Variants in BAIAP2 observed in about 807,000 individuals in gnomAD.
BAIAP2 encodes the protein BAR/IMD domain-containing adapter protein 2.
Under a neutral mutation model 63.0 loss-of-function variants are expected in BAIAP2, and 18 were observed. That is an observed-to-expected ratio of 0.29 (90% CI 0.20 to 0.42). The LOEUF is 0.42. BAIAP2 is among the 10% of genes least tolerant of loss of function. The pLI, the probability that BAIAP2 is intolerant of heterozygous loss-of-function variation, is 1.00. For synonymous variants in BAIAP2, 386 were observed against 307.6 expected (o/e 1.25, Z -2.67); for missense variants, 610 against 734.3 (o/e 0.83, Z 1.96).
At chr17:81,107,014 T>C in intron 12 of BAIAP2, 107 bp downstream of exon 12, 1 of 1,329,326 alleles carries the variant, frequency 7.5e-7, no homozygotes, top group Non-Finnish European at 1.0e-6. Context: ...CCTGGGGGTC[T>C]GGGTCTTTGG....
At chr17:81,062,308 T>A (rs1383444869) in intron 3 of BAIAP2, among the ~76,000 whole-genome samples, 7 of 25,792 alleles carry the variant, frequency 2.7e-4, no homozygotes, top group Non-Finnish European at 1.1e-4. Context: ...AATGGACTGA[T>A]TTTTTTTTTT....
intron 1 of BAIAP2, among the ~76,000 whole-genome samples, chr17:81,050,835 C>T (rs1236159902): frequency 1.3e-5 from 2 of 148,166 alleles, no homozygotes; most frequent in Non-Finnish European, 1.5e-5. Flanking sequence ...ACACTAGAGT[C>T]GGCCGCATCC....
chr17:81,041,505 C>G (rs991170165), intron 1 of BAIAP2, among the ~76,000 whole-genome samples: 2 of 152,196 alleles, frequency 1.3e-5, no homozygotes, highest in African/African-American at 2.4e-5. Flanking sequence ...TTTATACTTA[C>G]TGGAACAGTT....
chr17:81,109,712 T>C, intron 13 of BAIAP2: 1 of 985,332 alleles, frequency 1.0e-6, no homozygotes, highest in Non-Finnish European at 1.2e-6. Context: ...CGCGGCACAG[T>C]GGCCTCACCT....
intron 1 of BAIAP2, among the ~76,000 whole-genome samples, chr17:81,051,725 T>C (rs574025079): frequency 1.3e-5 from 2 of 152,254 alleles, no homozygotes; most frequent in South Asian, 4.1e-4. Flanking sequence ...GGTCTCACTC[T>C]GTCACCCAGG....
chr17:81,092,921 G>T (rs2057021510), intron 6 of BAIAP2, among the ~76,000 whole-genome samples: 2 of 152,178 alleles, frequency 1.3e-5, no homozygotes, highest in South Asian at 4.1e-4. Context: ...TTAGAACAGA[G>T]GGGTGTGGCT....
intron 3 of BAIAP2, among the ~76,000 whole-genome samples, chr17:81,066,540 C>G (rs564829920): frequency 1.3e-5 from 2 of 152,208 alleles, no homozygotes; most frequent in Non-Finnish European, 1.5e-5. Context: ...CTCCTGTCCC[C>G]GCAGGTGTCG....
chr17:81,043,644 A>G (rs2047390580), intron 1 of BAIAP2, among the ~76,000 whole-genome samples: 1 of 152,286 alleles, frequency 6.6e-6, no homozygotes, highest in Non-Finnish European at 1.5e-5. Context: ...CACTGTGCAC[A>G]CCGGACACTG....
chr17:81,057,360 G>C (rs116270913), intron 2 of BAIAP2: 1 of 152,376 alleles, frequency 6.6e-6, no homozygotes, highest in African/African-American at 2.4e-5. Flanking sequence ...CCCCTCAGGC[G>C]GCGGCAATAC....
Position 81,104,491 on chromosome 17 carries a change from TTACCTG to T in BAIAP2, c.1067-21_1067-16del. The T allele has an allele frequency of 6.4e-7, 1 of 1,574,312 alleles. No homozygotes were observed. Among genetic ancestry groups the T allele is most frequent in the Non-Finnish European group, 8.6e-7 (1 of 1,156,162 alleles). ...GCCCCGCCAGCCAGGGGCAGTCCCC[TTACCTG>T]TCCCTTGTCCCAGCAGCCGAGAACA... On this transcript the variant is annotated splice_polypyrimidine_tract_variant and intron_variant, in intron 9 of 13. Coordinates refer to ENST00000428708, the MANE Select transcript of BAIAP2 (RefSeq NM_001144888.2).
intron 3 of BAIAP2, among the ~76,000 whole-genome samples, chr17:81,068,753 TG>T (rs1489466984): frequency 6.6e-6 from 1 of 152,100 alleles, no homozygotes; most frequent in Non-Finnish European, 1.5e-5. Context: ...CGGGAGGGCC[TG>T]GGGGGACTCC....
chr17:81,050,224 C>G lies in BAIAP2; in HGVS notation c.55-3444C>G, dbSNP rs139878830. ...GCCCGGGAAGGGGAGTCCCCCCTTA[C>G]AATGTTGGCTCAGTGGGATCGATGC... On this transcript the variant is annotated intron_variant, in intron 1 of 13. Coordinates refer to ENST00000428708, the MANE Select transcript of BAIAP2 (RefSeq NM_001144888.2). 9.1e-3 allele frequency among the ~76,000 whole-genome samples: 1,384 copies of G among 152,324 alleles called. 25 individuals carry two copies. Among genetic ancestry groups the G allele is most frequent in the African/African-American group, 0.03 (1,264 of 41,566 alleles).
At chr17:81,070,749 G>A (rs531636301) in intron 3 of BAIAP2, among the ~76,000 whole-genome samples, 4 of 152,356 alleles carry the variant, frequency 2.6e-5, no homozygotes, top group Middle Eastern at 3.4e-3. Flanking sequence ...CACCCCGGGT[G>A]GATGGCCGCT....
chr17:81,045,679 A>G (rs1249728012), intron 1 of BAIAP2, among the ~76,000 whole-genome samples: 2 of 152,138 alleles, frequency 1.3e-5, no homozygotes, highest in Non-Finnish European at 2.9e-5. Flanking sequence ...TGATCCCACC[A>G]TGACCCATGG....
intron 3 of BAIAP2, among the ~76,000 whole-genome samples, chr17:81,059,823 C>T (rs564064495): frequency 3.2e-4 from 49 of 152,168 alleles, no homozygotes; most frequent in African/African-American, 1.1e-3. Flanking sequence ...GTCTTCGCCC[C>T]TTGGTCGCAT....
chr17:81,104,128 G>A lies in BAIAP2; in HGVS notation c.1066+20G>A, dbSNP rs1341561856. 1 of 1,612,176 alleles carries A rather than the reference G, an allele frequency of 6.2e-7. No individual in the cohort carries two copies. Among genetic ancestry groups the A allele is most frequent in the Non-Finnish European group, 8.5e-7 (1 of 1,179,444 alleles). On this transcript the variant is annotated intron_variant, in intron 9 of 13. Coordinates refer to ENST00000428708, the MANE Select transcript of BAIAP2 (RefSeq NM_001144888.2). ...CCACCAGTAAGGGCTCCGCTGGGGTGTTGGGCTGGGGTCCCTGGACGTGCC... is the reference window on the plus strand; with the variant it reads ...CCACCAGTAAGGGCTCCGCTGGGGTATTGGGCTGGGGTCCCTGGACGTGCC...
chr17:81,107,191 GT>G, intron 12 of BAIAP2: 1 of 395,528 alleles, frequency 2.5e-6, no homozygotes, highest in Non-Finnish European at 4.5e-6. Context: ...TCACTGCTCT[GT>G]CCAAGGGGGC....
rs563675709 is a variant in BAIAP2, at chr17:81,098,486, A to G, written c.490-1442A>G. Among the ~76,000 whole-genome samples the G allele has an allele frequency of 3.9e-5, 6 of 152,120 alleles. No individual in the cohort carries two copies. In the South Asian group the frequency reaches 1.2e-3, roughly 32 times the overall value. On this transcript the variant is annotated intron_variant, in intron 6 of 13. Transcript: ENST00000428708. ...ACAGTTGACCACGGTAACCATCTTT[A>G]AGTGCACAGTTCAGCGGCATTAGCG...
intron 1 of BAIAP2, among the ~76,000 whole-genome samples, chr17:81,040,210 G>T (rs1373471442): frequency 6.6e-6 from 1 of 152,220 alleles, no homozygotes; most frequent in Non-Finnish European, 1.5e-5. Flanking sequence ...CAGCCACCTT[G>T]TCTGGTGACT....
Sources: allele counts gnomAD v4.1 joint callset (sites outside exome capture counted in the v4.1 genomes callset), GRCh38; gene constraint gnomAD v4.1.1; transcripts MANE v1.5; gene names NCBI Gene and HGNC (gene_info 2026-07-23, HGNC 2026-07-21).